Variants in OXCT1 observed in about 807,000 individuals in gnomAD.
OXCT1 encodes the protein 3-oxoacid CoA-transferase 1, also known as succinyl-CoA:3-ketoacid coenzyme A transferase 1, mitochondrial.
A neutral mutation model predicts 69.6 loss-of-function variants in OXCT1; 27 were observed. The ratio of observed to expected loss-of-function variants is 0.39; its 90% CI spans 0.29 to 0.54. The LOEUF is 0.54. Ranked by LOEUF, OXCT1 falls within the 20% of genes least tolerant of loss-of-function variation. OXCT1 has a pLI of 0.72. For synonymous variants in OXCT1, 202 were observed against 217.8 expected (o/e 0.93, Z 0.64); for missense variants, 437 against 650.2 (o/e 0.67, Z 3.57).
In OXCT1 at chr5:41,762,818, T is replaced by C. The variant is rs572265890; in HGVS notation, c.1249-618A>G. ...AGAGTTCAGGATCATTTCACCATTATCATTCTATTTTTGATCATCTGGCCA... is the reference window on the plus strand; with the variant it reads ...AGAGTTCAGGATCATTTCACCATTACCATTCTATTTTTGATCATCTGGCCA... On this transcript the variant is annotated intron_variant, in intron 13 of 16. Transcript: ENST00000196371. The surrounding 1 kb of genome is among the most constrained non-coding windows in gnomAD (Gnocchi z 4.0). Among the ~76,000 whole-genome samples, 127 of 152,218 alleles carry C rather than the reference T, an allele frequency of 8.3e-4. 1 individual carries two copies. Among genetic ancestry groups the C allele is most frequent in the African/African-American group, 2.9e-3 (121 of 41,552 alleles).
rs769421395 is a variant in OXCT1, at chr5:41,862,670, G to T, written c.159C>A (p.Ile53=). 1.2e-5 allele frequency: 19 copies of T among 1,611,792 alleles called. No homozygotes were observed. The highest frequency in any genetic ancestry group is 1.2e-5 in the Non-Finnish European group (14 of 1,178,158). The change falls in exon 2 of 17, where the codon ATC becomes ATA. Residue 53 remains isoleucine (I), a synonymous_variant. Transcript: ENST00000196371. The part of the protein sequence containing the change: ...YTDPVEAVKD[I]PDGATVLVGG... ...CAACCAAAACCGTGGCACCATCAGG[G>T]ATGTCTTTTACAGCTTCTACTGGAT...
chr5:41,793,822 A>G (rs1746046259), intron 13 of OXCT1, among the ~76,000 whole-genome samples, 181 bp downstream of exon 13: 3 of 152,224 alleles, frequency 2.0e-5, no homozygotes, highest in African/African-American at 2.4e-5. Flanking sequence ...CCAAATGCAC[A>G]GTAAATTGGC....
chr5:41,816,116 T>G (rs1288668109), intron 7 of OXCT1, among the ~76,000 whole-genome samples: 1 of 152,188 alleles, frequency 6.6e-6, no homozygotes, highest in Non-Finnish European at 1.5e-5. Flanking sequence ...TCCCTAAATT[T>G]AAAATTGTTT....
At position 41,850,189 on chromosome 5, in the gene OXCT1, A is replaced by T. The variant is rs1364465703; in HGVS notation, c.415-10T>A. 1 of 1,613,184 alleles carries T rather than the reference A, an allele frequency of 6.2e-7. No individual in the cohort carries two copies. Among genetic ancestry groups the T allele is most frequent in the South Asian group, 1.1e-5 (1 of 91,052 alleles). On this transcript the variant is annotated splice_polypyrimidine_tract_variant and intron_variant, in intron 4 of 16. Transcript: ENST00000196371. ...TCTCTGCAAGTGTGCCCTGCAAGTG[A>T]GCAACCAACACCCCATAAGTTCACT...
chr5:41,765,574 G>A (rs80011352), intron 13 of OXCT1, among the ~76,000 whole-genome samples: 179 of 152,258 alleles, frequency 1.2e-3, no homozygotes, highest in African/African-American at 4.2e-3. Context: ...AGAATTCAGT[G>A]TCAAATTAGA....
chr5:41,840,515 CA>C lies in OXCT1; in HGVS notation c.672-5del. 3.7e-6 allele frequency: 6 copies of C among 1,610,422 alleles called. No homozygotes were observed. Among genetic ancestry groups the C allele is most frequent in the Non-Finnish European group, 5.1e-6 (6 of 1,177,058 alleles). On this transcript the variant is annotated splice_polypyrimidine_tract_variant and splice_region_variant and intron_variant, in intron 6 of 16. Coordinates refer to ENST00000196371, the MANE Select transcript of OXCT1 (RefSeq NM_000436.4). ...GTTGAAATTCCTTGCACTTTTCCTA[CA>C]GGGGTGGAGGAGATAAGAAAGTGGG...
At chr5:41,733,244 CTTTTTT>C (rs35461928) in intron 16 of OXCT1, among the ~76,000 whole-genome samples, 30 of 128,044 alleles carry the variant, frequency 2.3e-4, no homozygotes, top group Admixed American at 2.3e-3. Flanking sequence ...TTTAGTGAAA[CTTTTTT>C]TTTTTTTTTT....
intron 5 of OXCT1, among the ~76,000 whole-genome samples, chr5:41,846,764 C>A (rs1194035960): frequency 6.6e-6 from 1 of 152,152 alleles, no homozygotes; most frequent in Non-Finnish European, 1.5e-5. Context: ...TAAAAGTATT[C>A]CTATTTCTCC....
At chr5:41,815,805 G>A (rs930108107) in intron 7 of OXCT1, among the ~76,000 whole-genome samples, 1 of 152,144 alleles carries the variant, frequency 6.6e-6, no homozygotes, top group Non-Finnish European at 1.5e-5. Context: ...TCAGTGAAGA[G>A]AGTCATAGAG....
At chr5:41,800,909 A>G (rs1002050515) in intron 11 of OXCT1, 113 bp downstream of exon 11, 2 of 911,270 alleles carry the variant, frequency 2.2e-6, no homozygotes, top group South Asian at 1.3e-5. Context: ...CTCCTCCTCA[A>G]CAATGAATAC....
chr5:41,790,531 C>T (rs1299148090), intron 13 of OXCT1, among the ~76,000 whole-genome samples: 1 of 152,160 alleles, frequency 6.6e-6, no homozygotes, highest in Non-Finnish European at 1.5e-5. Flanking sequence ...AGCATCCACA[C>T]CGTTTGCTTG....
intron 7 of OXCT1, among the ~76,000 whole-genome samples, chr5:41,810,821 T>C (rs1746943448): frequency 6.6e-6 from 1 of 151,946 alleles, no homozygotes; most frequent in African/African-American, 2.4e-5. Flanking sequence ...CCTCAATCTG[T>C]TATAGACACA....
At chr5:41,867,689 C>T (rs1750059837) in intron 1 of OXCT1, among the ~76,000 whole-genome samples, 2 of 152,192 alleles carry the variant, frequency 1.3e-5, no homozygotes, top group Admixed American at 6.5e-5. Context: ...GAGCTTTAAG[C>T]ACCAACTGAC....
intron 13 of OXCT1, among the ~76,000 whole-genome samples, chr5:41,792,151 A>C (rs950470632): frequency 6.6e-6 from 1 of 152,186 alleles, no homozygotes; most frequent in Non-Finnish European, 1.5e-5. Context: ...ACTAAGTGTC[A>C]AGCTCTGTGC....
In OXCT1 at chr5:41,870,328, G is replaced by T. The variant is rs768386652; in HGVS notation, c.31C>A (p.Leu11Ile). Residue 11 changes from leucine to isoleucine, a missense_variant, in exon 1 of 17, where the codon CTT (leucine) becomes ATT (isoleucine). Coordinates refer to ENST00000196371, the MANE Select transcript of OXCT1 (RefSeq NM_000436.4). This position sits in a 1 kb window ranked among gnomAD's most constrained non-coding sequence, Gnocchi z 4.2. MAALKLLSSG[L>I]RLCASARGSG... ...CCGCGGGCAGAGGCGCAGAGCCGAA[G>T]CCCGGAGGAGAGGAGTTTGAGAGCC... 6.2e-6 allele frequency: 10 copies of T among 1,613,898 alleles called. No homozygotes were observed. The highest frequency in any genetic ancestry group is 1.1e-5 in the South Asian group (1 of 91,080).
chr5:41,771,363 G>A (rs892288356), intron 13 of OXCT1, among the ~76,000 whole-genome samples: 12 of 152,172 alleles, frequency 7.9e-5, no homozygotes, highest in African/African-American at 2.9e-4. Flanking sequence ...TTAGAACTAT[G>A]AAACCAATGT....
intron 7 of OXCT1, among the ~76,000 whole-genome samples, chr5:41,807,683 A>G (rs1010332374): frequency 6.6e-6 from 1 of 152,052 alleles, no homozygotes; most frequent in Non-Finnish European, 1.5e-5. Context: ...AGGCTCCAGA[A>G]GTTAGTCTTT....
chr5:41,862,540 A>G lies in OXCT1; in HGVS notation c.187+102T>C, dbSNP rs1749784482. The G allele has an allele frequency of 4.3e-6, 3 of 698,232 alleles. No individual in the cohort carries two copies. The Admixed American group carries it at 6.4e-5, about 15-fold the overall frequency. The allele number at this position is 698,232 out of a possible 1,614,324, so 43.3% of individuals were successfully genotyped here. A position where few individuals can be genotyped will look rare whatever the true frequency, so the allele number is the denominator to read the frequency against. On this transcript the variant is annotated intron_variant, in intron 2 of 16. Coordinates refer to ENST00000196371, the MANE Select transcript of OXCT1 (RefSeq NM_000436.4). The stretch of plus-strand genomic sequence containing the variant: ...ATATGTACAATAAATAATGCATAAT[A>G]AAATAATTATCATTTTTATACATCT...
chr5:41,769,035 T>C (rs1744752360), intron 13 of OXCT1, among the ~76,000 whole-genome samples: 1 of 152,158 alleles, frequency 6.6e-6, no homozygotes, highest in African/African-American at 2.4e-5. Context: ...CTCCGGCTTA[T>C]TCTTTATGTA....
Sources: allele counts gnomAD v4.1 joint callset (sites outside exome capture counted in the v4.1 genomes callset), GRCh38; gene constraint gnomAD v4.1.1; non-coding constraint Gnocchi (gnomAD v3.1); transcripts MANE v1.5; gene names NCBI Gene and HGNC (gene_info 2026-07-23, HGNC 2026-07-21).